The following HTR2A variants were observed in gnomAD, a reference collection of about 807,000 sequenced individuals.
HTR2A encodes the protein 5-HT2 receptor.
Under a neutral mutation model 31.0 loss-of-function variants are expected in HTR2A, and 14 were observed. That is an observed-to-expected ratio of 0.45 (90% CI 0.30 to 0.71). HTR2A has a LOEUF of 0.71. Among genes scored for constraint, HTR2A ranks in the 30% least tolerant of loss-of-function variants. The pLI, the probability that HTR2A is intolerant of heterozygous loss-of-function variation, is 0.09. For synonymous variants in HTR2A, 209 were observed against 225.2 expected, an observed-to-expected ratio of 0.93 and a Z score of 0.64; for missense variants, 442 against 573.3, an observed-to-expected ratio of 0.77 and a Z score of 2.34.
intron 3 of HTR2A, among the ~76,000 whole-genome samples, chr13:46,882,066 AAAG>A (rs1041471279): frequency 2.7e-4 from 41 of 152,200 alleles, no homozygotes; most frequent in Non-Finnish European, 3.4e-4. Context: ...GCTCATAAAA[AAAG>A]AAGTAAAAAA....
intron 3 of HTR2A, among the ~76,000 whole-genome samples, chr13:46,891,865 G>A (rs765821168): frequency 2.1e-4 from 32 of 152,218 alleles, no homozygotes; most frequent in Non-Finnish European, 4.1e-4. Context: ...TATCATAAAA[G>A]GAGGAAGGTC....
chr13:46,833,436 C>G lies in HTR2A; in HGVS notation c.*1401G>C, dbSNP rs1403865461. The G allele has an allele frequency of 1.3e-5, 2 of 152,034 alleles. No individual in the cohort carries two copies. Among genetic ancestry groups the G allele is most frequent in the African/African-American group, 2.4e-5 (1 of 41,388 alleles). 9.4% of individuals were successfully genotyped at this position (152,034 alleles called of 1,614,324 possible). A position where few individuals can be genotyped will look rare whatever the true frequency, so the allele number is the denominator to read the frequency against. ...ATGGCAGTGGTGTGAACTTGGCTCA[C>G]TGCAGCCTTGAGCTTCTGGGCTCAA... On this transcript the variant is annotated 3_prime_UTR_variant, in exon 4 of 4. Coordinates refer to ENST00000542664, the MANE Select transcript of HTR2A (RefSeq NM_000621.5).
chr13:46,884,439 C>T (rs750197089), intron 3 of HTR2A, among the ~76,000 whole-genome samples: 1 of 152,066 alleles, frequency 6.6e-6, no homozygotes, highest in East Asian at 1.9e-4. Flanking sequence ...CCAAGGTGGG[C>T]GGATCACGAG....
intron 3 of HTR2A, among the ~76,000 whole-genome samples, chr13:46,878,394 T>C (rs930692668): frequency 6.6e-6 from 1 of 152,042 alleles, no homozygotes; most frequent in African/African-American, 2.4e-5. Flanking sequence ...AGACAATGAG[T>C]AGAGCTTTTC....
intron 3 of HTR2A, among the ~76,000 whole-genome samples, chr13:46,884,319 A>G (rs1417800065): frequency 6.6e-6 from 1 of 152,210 alleles, no homozygotes; most frequent in Non-Finnish European, 1.5e-5. Context: ...AAATAAAACA[A>G]TGGAAAGGGA....
chr13:46,896,920 C>T lies in HTR2A; in HGVS notation c.-575G>A, dbSNP rs1951110387. The T allele has an allele frequency of 9.0e-7, 1 of 1,115,260 alleles. No homozygotes were observed. Among genetic ancestry groups the T allele is most frequent in the Non-Finnish European group, 1.3e-6 (1 of 781,684 alleles). The allele number at this position is 1,115,260 out of a possible 1,614,324, so 69.1% of individuals were successfully genotyped here. A position where few individuals can be genotyped will look rare whatever the true frequency, so the allele number is the denominator to read the frequency against. ...GCTGGGTTCCTCCCTCCCTGTGCGG[C>T]TCGCCTCAGCAGGCACACATTTAGA... On this transcript the variant is annotated 5_prime_UTR_variant, in exon 1 of 4. Transcript: ENST00000542664.
At chr13:46,874,536 G>A (rs916583016) in intron 3 of HTR2A, among the ~76,000 whole-genome samples, 5 of 152,086 alleles carry the variant, frequency 3.3e-5, no homozygotes, top group African/African-American at 1.2e-4. Flanking sequence ...TTTCTCCCAT[G>A]TAAGTCAGGA....
intron 3 of HTR2A, among the ~76,000 whole-genome samples, chr13:46,867,309 T>C (rs1950825144): frequency 6.6e-6 from 1 of 152,160 alleles, no homozygotes; most frequent in African/African-American, 2.4e-5. Flanking sequence ...GCCAAATACT[T>C]ACTTACATTT....
chr13:46,886,626 G>A (rs1366509565), intron 3 of HTR2A, among the ~76,000 whole-genome samples: 1 of 152,142 alleles, frequency 6.6e-6, no homozygotes. Flanking sequence ...AGAATTCAAG[G>A]TCCCAAACCT....
At chr13:46,874,250 A>G (rs1388028546) in intron 3 of HTR2A, among the ~76,000 whole-genome samples, 1 of 152,174 alleles carries the variant, frequency 6.6e-6, no homozygotes, top group African/African-American at 2.4e-5. Context: ...TGAAAAAGCT[A>G]CTATGGGGAT....
At position 46,833,495 on chromosome 13, in the gene HTR2A, G is replaced by A. The variant is rs1185153561; in HGVS notation, c.*1342C>T. The A allele has an allele frequency of 6.6e-6, 1 of 151,930 alleles. No individual in the cohort carries two copies. Among genetic ancestry groups the A allele is most frequent in the Admixed American group, 6.6e-5 (1 of 15,250 alleles). 9.4% of individuals were successfully genotyped at this position (151,930 alleles called of 1,614,324 possible). A position where few individuals can be genotyped will look rare whatever the true frequency, so the allele number is the denominator to read the frequency against. On this transcript the variant is annotated 3_prime_UTR_variant, in exon 4 of 4. Coordinates refer to ENST00000542664, the MANE Select transcript of HTR2A (RefSeq NM_000621.5). Reference sequence around the variant, plus strand: ...TGCGTCTCAGCCTCCCCTGTAGCTGGGACCACAGTTGTGTGCCACAAGGAT... The same window carrying A: ...TGCGTCTCAGCCTCCCCTGTAGCTGAGACCACAGTTGTGTGCCACAAGGAT...
intron 3 of HTR2A, among the ~76,000 whole-genome samples, chr13:46,851,887 C>T (rs2138200344): frequency 6.6e-6 from 1 of 152,286 alleles, no homozygotes; most frequent in Admixed American, 6.5e-5. Flanking sequence ...ACTAAAGTTG[C>T]AGATGGGAAT....
Position 46,892,326 on chromosome 13 carries a change from C to G in HTR2A, c.613+64G>C, listed in dbSNP as rs1951060035. On this transcript the variant is annotated intron_variant, in intron 3 of 3. Transcript: ENST00000542664. ...CAGGTTTCAGTACAACAAAATGGAA[C>G]AAGTCTTTTCAGAAAGCACGAACTG... 2.7e-6 allele frequency: 4 copies of G among 1,483,976 alleles called. No homozygotes were observed. The East Asian group carries it at 9.0e-5, about 34-fold the overall frequency. The allele number at this position is 1,483,976 out of a possible 1,614,324, so 91.9% of individuals were successfully genotyped here.
chr13:46,860,759 C>A (rs988537761), intron 3 of HTR2A, among the ~76,000 whole-genome samples: 57 of 152,274 alleles, frequency 3.7e-4, no homozygotes, highest in Admixed American at 3.3e-3. Flanking sequence ...CTGACCTTGA[C>A]AGATTCCATT....
At chr13:46,862,469 A>C (rs1349302363) in intron 3 of HTR2A, among the ~76,000 whole-genome samples, 1 of 152,230 alleles carries the variant, frequency 6.6e-6, no homozygotes, top group Non-Finnish European at 1.5e-5. Context: ...AAACAAAAAC[A>C]GAAAAAGTTA....
chr13:46,860,197 T>C (rs889408117), intron 3 of HTR2A, among the ~76,000 whole-genome samples: 2 of 152,198 alleles, frequency 1.3e-5, no homozygotes, highest in African/African-American at 4.8e-5. Flanking sequence ...TTGGTGTCTG[T>C]GCTGTACAGG....
intron 3 of HTR2A, among the ~76,000 whole-genome samples, chr13:46,846,971 TG>T (rs1239740771): frequency 6.6e-6 from 1 of 152,184 alleles, no homozygotes; most frequent in African/African-American, 2.4e-5. Flanking sequence ...CTGGCAAAAA[TG>T]GGGGTGGCTG....
At chr13:46,877,949 T>G (rs1950928385) in intron 3 of HTR2A, among the ~76,000 whole-genome samples, 1 of 152,032 alleles carries the variant, frequency 6.6e-6, no homozygotes, top group South Asian at 2.1e-4. Context: ...GGAAATTTAT[T>G]GCAGCTGGAG....
At chr13:46,863,657 A>AAAAAAAAAAAAAAAAAAAG (rs1566309853) in intron 3 of HTR2A, among the ~76,000 whole-genome samples, 1 of 118,256 alleles carries the variant, frequency 8.5e-6, no homozygotes. Context: ...AAAGAAAAAA[A>AAAAAAAAAAAAAAAAAAAG]AAAAAGACAG....
Sources: gnomAD v4.1 joint callset for allele counts (sites outside exome capture counted in the v4.1 genomes callset) on GRCh38, gnomAD v4.1.1 for gene constraint, MANE v1.5 for transcripts, NCBI Gene and HGNC (gene_info 2026-07-23, HGNC 2026-07-21) for gene names.